ALCAM: variants seen among roughly 807,000 people sequenced by gnomAD.
The protein encoded by ALCAM is CD166 antigen.
Under a neutral mutation model 70.9 loss-of-function variants are expected in ALCAM, and 30 were observed. The ratio of observed to expected loss-of-function variants is 0.42; its 90% CI spans 0.32 to 0.57. The LOEUF (loss-of-function observed/expected upper bound fraction) is 0.57. Ranked by LOEUF, ALCAM falls within the 20% of genes least tolerant of loss-of-function variation. The pLI is 0.11. For missense variants in ALCAM, 591 were observed against 695.1 expected, an observed-to-expected ratio of 0.85 and a Z score of 1.68; for synonymous variants, 249 against 242.5, an observed-to-expected ratio of 1.03 and a Z score of -0.25.
chr3:105,422,681 A>T (rs1030233148), intron 1 of ALCAM, among the ~76,000 whole-genome samples: 1 of 151,470 alleles, frequency 6.6e-6, no homozygotes, highest in African/African-American at 2.4e-5. Context: ...CAGAACATTC[A>T]ATAATAATAA....
At chr3:105,411,177 T>C (rs780013641) in intron 1 of ALCAM, among the ~76,000 whole-genome samples, 4 of 152,028 alleles carry the variant, frequency 2.6e-5, no homozygotes, top group African/African-American at 7.2e-5. Flanking sequence ...CTGATCTGTA[T>C]AAATTTGCTG....
chr3:105,455,592 G>T (rs1937525647), intron 1 of ALCAM, among the ~76,000 whole-genome samples: 1 of 152,144 alleles, frequency 6.6e-6, no homozygotes, highest in African/African-American at 2.4e-5. Context: ...TCTGGAGGTG[G>T]AGCTCAGATA....
intron 1 of ALCAM, among the ~76,000 whole-genome samples, chr3:105,438,503 T>C (rs935883430): frequency 6.6e-6 from 1 of 152,208 alleles, no homozygotes; most frequent in African/African-American, 2.4e-5. Context: ...TCGATAAATG[T>C]TAAAAGAAAA....
chr3:105,443,506 A>G (rs1454237085), intron 1 of ALCAM, among the ~76,000 whole-genome samples: 1 of 152,228 alleles, frequency 6.6e-6, no homozygotes. Context: ...ATAATAAGAG[A>G]TATACAATAG....
chr3:105,536,202 T>A (rs1042557200), intron 6 of ALCAM, among the ~76,000 whole-genome samples: 7 of 151,966 alleles, frequency 4.6e-5, no homozygotes, highest in African/African-American at 1.4e-4. Flanking sequence ...CAAGTGCTTC[T>A]CCTGCCTCAG....
At chr3:105,515,489 T>G (rs550159013) in intron 1 of ALCAM, among the ~76,000 whole-genome samples, 1 of 152,152 alleles carries the variant, frequency 6.6e-6, no homozygotes, top group South Asian at 2.1e-4. Flanking sequence ...TAATCACATG[T>G]GAGAAACCAA....
At chr3:105,405,921 A>G (rs1343051392) in intron 1 of ALCAM, among the ~76,000 whole-genome samples, 1 of 152,150 alleles carries the variant, frequency 6.6e-6, no homozygotes, top group African/African-American at 2.4e-5. Flanking sequence ...ACAGCCCCAT[A>G]ATGAGATGCA....
At chr3:105,410,980 T>C (rs1046630054) in intron 1 of ALCAM, among the ~76,000 whole-genome samples, 1 of 152,090 alleles carries the variant, frequency 6.6e-6, no homozygotes, top group Non-Finnish European at 1.5e-5. Flanking sequence ...TTTCTATACT[T>C]GTGTATACCA....
At chr3:105,421,287 G>A (rs1478088586) in intron 1 of ALCAM, among the ~76,000 whole-genome samples, 2 of 151,332 alleles carry the variant, frequency 1.3e-5, no homozygotes, top group Non-Finnish European at 3.0e-5. Context: ...ATATAGAAAT[G>A]AGGAGATAAA....
chr3:105,520,647 G>T (rs1359120954), intron 2 of ALCAM, among the ~76,000 whole-genome samples: 1 of 149,678 alleles, frequency 6.7e-6, no homozygotes, highest in Non-Finnish European at 1.5e-5. Context: ...TGATGCTATA[G>T]GTCTTTTTTA....
intron 1 of ALCAM, chr3:105,440,988 C>T (rs1486227275): frequency 6.6e-6 from 1 of 152,104 alleles, no homozygotes; most frequent in Non-Finnish European, 1.5e-5. Flanking sequence ...TGAAAAGAAA[C>T]TTCAACTGAT....
chr3:105,491,547 A>G (rs1243148468), intron 1 of ALCAM, among the ~76,000 whole-genome samples: 1 of 152,210 alleles, frequency 6.6e-6, no homozygotes, highest in Non-Finnish European at 1.5e-5. Flanking sequence ...GAATACATAA[A>G]ACAATGCTTT....
intron 1 of ALCAM, among the ~76,000 whole-genome samples, chr3:105,402,182 A>G (rs991232339): frequency 4.6e-5 from 7 of 152,244 alleles, no homozygotes; most frequent in African/African-American, 9.6e-5. Context: ...CTCAATGGAA[A>G]TATTCCATCA....
intron 3 of ALCAM, chr3:105,524,829 G>A: frequency 9.2e-7 from 1 of 1,082,010 alleles, no homozygotes; most frequent in Non-Finnish European, 1.1e-6. Flanking sequence ...ACAAATAAGT[G>A]TTGTGTGATA....
chr3:105,540,035 A>G lies in ALCAM; in HGVS notation c.791A>G (p.Asp264Gly), dbSNP rs751584013. ...LPPKNAIKEG[D>G]NITLKCLGNG... ...CCAAAAAATGCCATCAAAGAAGGGG[A>G]TAACATCACTCTTAAATGCTTAGGG... The change falls in exon 7 of 16, where the codon GAT becomes GGT. Residue 264 changes from aspartate (D) to glycine (G), a missense_variant. Asp to Gly is a moderately conservative substitution (Grantham distance 94, BLOSUM62 -1). Around this residue, in one of 2 missense-constraint regions of ALCAM, gnomAD observed 427 missense variants for 450.4 expected, o/e 0.95. Coordinates refer to ENST00000306107, the MANE Select transcript of ALCAM (RefSeq NM_001627.4). 55 of 1,612,636 alleles carry G rather than the reference A, an allele frequency of 3.4e-5. No homozygotes were observed. Among genetic ancestry groups the G allele is most frequent in the Non-Finnish European group, 4.6e-5 (54 of 1,178,960 alleles).
intron 1 of ALCAM, among the ~76,000 whole-genome samples, chr3:105,513,643 T>C (rs1939300068): frequency 6.6e-6 from 1 of 151,980 alleles, no homozygotes; most frequent in Non-Finnish European, 1.5e-5. Context: ...TTAAAATTCA[T>C]GAGGCAACTC....
intron 1 of ALCAM, among the ~76,000 whole-genome samples, chr3:105,428,667 A>G (rs1327911266): frequency 6.6e-6 from 1 of 151,972 alleles, no homozygotes; most frequent in Non-Finnish European, 1.5e-5. Context: ...GTATCTCTCA[A>G]TAAGTTCACT....
intron 8 of ALCAM, chr3:105,544,946 G>A (rs1940208646): frequency 2.8e-6 from 1 of 358,572 alleles, no homozygotes; most frequent in South Asian, 2.3e-5. Flanking sequence ...AGGCCCTAGG[G>A]GAATATTTAT....
At chr3:105,371,218 A>G (rs975085563) in intron 1 of ALCAM, among the ~76,000 whole-genome samples, 1 of 152,166 alleles carries the variant, frequency 6.6e-6, no homozygotes, top group Admixed American at 6.5e-5. Flanking sequence ...GAAAAATTGT[A>G]TATTGTAGTC....
Sources: gnomAD v4.1 joint callset for allele counts (sites outside exome capture counted in the v4.1 genomes callset) on GRCh38, gnomAD v4.1.1 for gene constraint, gnomAD v4.1.1 regional missense constraint, MANE v1.5 for transcripts, NCBI Gene and HGNC (gene_info 2026-07-23, HGNC 2026-07-21) for gene names.